The following FMN1 variants were observed in gnomAD, a reference collection of about 807,000 sequenced individuals.
FMN1 encodes formin-1.
A neutral mutation model predicts 132.4 loss-of-function variants in FMN1; 110 were observed. The ratio of observed to expected loss-of-function variants is 0.83; its 90% CI spans 0.71 to 0.97. The LOEUF is 0.97. Among genes scored for constraint, FMN1 ranks in the 50% least tolerant of loss-of-function variants. The probability of loss-of-function intolerance (pLI) is 0.00; values close to 1 mark genes in which losing one functional copy is unlikely to be tolerated. For missense variants in FMN1, 1,792 were observed against 1,705.3 expected (o/e 1.05, Z -0.90); for synonymous variants, 722 against 651.7 (o/e 1.11, Z -1.64).
At chr15:32,812,182 A>T (rs565791892) in intron 17 of FMN1, among the ~76,000 whole-genome samples, 1 of 152,316 alleles carries the variant, frequency 6.6e-6, no homozygotes, top group South Asian at 2.1e-4. Context: ...CATCACCGGG[A>T]ACATTCTAAA....
chr15:32,953,820 T>C (rs2061704920), intron 9 of FMN1, among the ~76,000 whole-genome samples: 1 of 152,192 alleles, frequency 6.6e-6, no homozygotes, highest in Non-Finnish European at 1.5e-5. Context: ...GAGAATACTG[T>C]ATACCGGAAG....
chr15:32,869,586 T>C (rs1343103630), intron 16 of FMN1, among the ~76,000 whole-genome samples: 7 of 152,152 alleles, frequency 4.6e-5, no homozygotes, highest in African/African-American at 1.7e-4. Flanking sequence ...AAGTCATTGG[T>C]ATAAAATTGG....
rs2141411026 is a variant in FMN1 at position 32,876,989 on chromosome 15, A to T, written c.3835+11183T>A. On this transcript the variant is annotated intron_variant, in intron 16 of 20. Transcript: ENST00000616417. ...CACTGGATAAGCGCTCTGCTCTATA[A>T]AGACAGATGGTATCGGCTGGGCATG... Among the ~76,000 whole-genome samples the T allele has an allele frequency of 1.3e-5, 2 of 152,308 alleles. 1 individual carries two copies.
At chr15:33,074,053 G>A (rs112820904) in intron 5 of FMN1, among the ~76,000 whole-genome samples, 1 of 152,100 alleles carries the variant, frequency 6.6e-6, no homozygotes, top group African/African-American at 2.4e-5. Flanking sequence ...TTGTTTTAAA[G>A]ATGAAGGCAT....
rs572992727 is a variant in FMN1 at position 33,087,664 on chromosome 15, A to AATT, written c.2043+1134_2043+1135insAAT. On this transcript the variant is annotated intron_variant, in intron 5 of 20. Coordinates refer to ENST00000616417, the MANE Select transcript of FMN1 (RefSeq NM_001277313.2). ...AACTACTGGGTATCTACCCAGAGGA[A>AATT]AAGAAGTCATTATACGAAAAAGATA... is the stretch of plus-strand genomic sequence containing the variant. Among the ~76,000 whole-genome samples, 480 of 152,342 alleles carry AATT rather than the reference A, an allele frequency of 3.2e-3. 4 individuals are homozygous for AATT. Among genetic ancestry groups the AATT allele is most frequent in the African/African-American group, 0.011 (446 of 41,574 alleles).
chr15:33,028,404 C>T (rs1370789446), intron 6 of FMN1, among the ~76,000 whole-genome samples: 1 of 152,050 alleles, frequency 6.6e-6, no homozygotes, highest in African/African-American at 2.4e-5. Flanking sequence ...GAGCCAAGAG[C>T]TAATATAAAG....
chr15:32,850,132 G>A (rs1339203003), intron 17 of FMN1, among the ~76,000 whole-genome samples: 2 of 152,170 alleles, frequency 1.3e-5, no homozygotes, highest in Non-Finnish European at 2.9e-5. Context: ...CAGAGTTCAT[G>A]TTCTCTAGCC....
chr15:33,184,989 C>A (rs1965830528), intron 2 of FMN1, among the ~76,000 whole-genome samples: 1 of 152,102 alleles, frequency 6.6e-6, no homozygotes, highest in Non-Finnish European at 1.5e-5. Context: ...AAGGTTTTTA[C>A]ATGAAGAGAG....
At chr15:32,785,065 G>A (rs559825136) in intron 19 of FMN1, among the ~76,000 whole-genome samples, 54 of 150,556 alleles carry the variant, frequency 3.6e-4, no homozygotes, top group African/African-American at 1.3e-3. Context: ...CCCATTCAAC[G>A]TATCTGTGTG....
At chr15:33,165,867 G>A (rs1469845728) in intron 3 of FMN1, among the ~76,000 whole-genome samples, 1 of 152,168 alleles carries the variant, frequency 6.6e-6, no homozygotes, top group Non-Finnish European at 1.5e-5. Context: ...AAGCTGATCT[G>A]CCATCTCTCC....
chr15:32,990,469 G>C (rs1483863264), intron 7 of FMN1, among the ~76,000 whole-genome samples: 11 of 152,188 alleles, frequency 7.2e-5, no homozygotes, highest in Admixed American at 7.2e-4. Flanking sequence ...AGTAGAGTTG[G>C]AACGGAATTC....
rs548036797 is a variant in FMN1 at position 32,802,627 on chromosome 15, A to G, written c.3980+1654T>C. On this transcript the variant is annotated intron_variant, in intron 18 of 20. Coordinates refer to ENST00000616417, the MANE Select transcript of FMN1 (RefSeq NM_001277313.2). ...CAACCAGAATTTATGACTCCCCTCC[A>G]CAGAGCTAATGCACGGCAGCAGTTT... 7.7e-4 allele frequency among the ~76,000 whole-genome samples: 117 copies of G among 152,296 alleles called. 1 individual carries two copies. The South Asian group carries it at 0.021, about 28-fold the overall frequency.
At chr15:32,979,382 C>T (rs1037021291) in intron 7 of FMN1, among the ~76,000 whole-genome samples, 1 of 151,710 alleles carries the variant, frequency 6.6e-6, no homozygotes, top group Non-Finnish European at 1.5e-5. Context: ...GGTGAAACCC[C>T]GTCTCTACTA....
At chr15:32,813,109 C>G (rs1279853647) in intron 17 of FMN1, among the ~76,000 whole-genome samples, 2 of 152,060 alleles carry the variant, frequency 1.3e-5, no homozygotes, top group South Asian at 4.1e-4. Context: ...TATTAGGTAT[C>G]ATAAGTAATC....
intron 9 of FMN1, among the ~76,000 whole-genome samples, chr15:32,926,658 T>TAATGTCATCTTCTG (rs1161981470): frequency 6.6e-6 from 1 of 152,108 alleles, no homozygotes; most frequent in Non-Finnish European, 1.5e-5. Context: ...ATCTTTTTAG[T>TAATGTCATCTTCTG]AATGTCATCT....
intron 5 of FMN1, among the ~76,000 whole-genome samples, chr15:33,079,093 A>G (rs1376486236): frequency 1.3e-5 from 2 of 152,178 alleles, no homozygotes; most frequent in African/African-American, 4.8e-5. Flanking sequence ...TTTTATATAA[A>G]ATTCAGTTCT....
At chr15:33,128,178 C>G (rs1181439992) in intron 4 of FMN1, among the ~76,000 whole-genome samples, 1 of 122,084 alleles carries the variant, frequency 8.2e-6, no homozygotes, top group Non-Finnish European at 1.5e-5. Context: ...ATAAAGCAAG[C>G]AAACAAATTG....
intron 6 of FMN1, among the ~76,000 whole-genome samples, chr15:33,047,206 A>G (rs1026625912): frequency 1.3e-5 from 2 of 152,182 alleles, no homozygotes; most frequent in African/African-American, 4.8e-5. Context: ...AGCATCTTCT[A>G]GCTTCCCTTC....
At position 32,772,696 on chromosome 15, in the gene FMN1, G is replaced by C. The variant is rs995061112; in HGVS notation, c.*1614C>G. 9 of 152,326 alleles carry C rather than the reference G, an allele frequency of 5.9e-5. No individual in the cohort carries two copies. The highest frequency in any genetic ancestry group is 2.2e-4 in the African/African-American group (9 of 41,564). 9.4% of individuals were successfully genotyped at this position (152,326 alleles called of 1,614,324 possible). A position where few individuals can be genotyped will look rare whatever the true frequency, so the allele number is the denominator to read the frequency against. Reference sequence around the variant, plus strand: ...CCAGTAGAAAAGGCGGTTAGCACCTGCATGAATATGGCTTCTGTGACTTGA... The same window carrying C: ...CCAGTAGAAAAGGCGGTTAGCACCTCCATGAATATGGCTTCTGTGACTTGA... On this transcript the variant is annotated 3_prime_UTR_variant, in exon 21 of 21. Coordinates refer to ENST00000616417, the MANE Select transcript of FMN1 (RefSeq NM_001277313.2).
Sources: gnomAD v4.1 joint callset for allele counts (sites outside exome capture counted in the v4.1 genomes callset) on GRCh38, gnomAD v4.1.1 for gene constraint, MANE v1.5 for transcripts, NCBI Gene and HGNC (gene_info 2026-07-23, HGNC 2026-07-21) for gene names.